The following DENND3 variants were observed in gnomAD, a reference collection of about 807,000 sequenced individuals.
The protein encoded by DENND3 is DENN domain-containing protein 3.
A neutral mutation model predicts 135.1 loss-of-function variants in DENND3; 88 were observed. The observed-to-expected ratio is 0.65, with a 90% CI of 0.55 to 0.78. DENND3 has a LOEUF of 0.78. Among genes scored for constraint, DENND3 ranks in the 30% least tolerant of loss-of-function variants. The pLI is 0.00. For synonymous variants in DENND3, 693 were observed against 712.3 expected (o/e 0.97, Z 0.43); for missense variants, 1,392 against 1,688.4 (o/e 0.82, Z 3.08).
At chr8:141,163,867 C>T (rs1820439358) in intron 10 of DENND3, among the ~76,000 whole-genome samples, 1 of 135,172 alleles carries the variant, frequency 7.4e-6, no homozygotes, top group African/African-American at 2.9e-5. Context: ...AAGATGGTGT[C>T]ACTATATTCC....
intron 22 of DENND3, chr8:141,192,883 C>T: frequency 1.3e-6 from 2 of 1,502,374 alleles, no homozygotes; most frequent in Non-Finnish European, 1.8e-6. Flanking sequence ...ACAGCGCATT[C>T]CCCCAAACTG....
At chr8:141,162,505 C>T (rs1048909110) in intron 9 of DENND3, among the ~76,000 whole-genome samples, 1 of 152,142 alleles carries the variant, frequency 6.6e-6, no homozygotes, top group African/African-American at 2.4e-5. Context: ...TTTATTCTCT[C>T]CAAGAAAACA....
chr8:141,170,395 G>A (rs900276632), intron 13 of DENND3, among the ~76,000 whole-genome samples: 1 of 152,152 alleles, frequency 6.6e-6, no homozygotes, highest in Non-Finnish European at 1.5e-5. Flanking sequence ...ATGTGTGTGG[G>A]TGTGAAAATG....
rs778681756 is a variant in DENND3 at position 141,182,758 on chromosome 8, G to C, written c.2944+1904G>C. Among the ~76,000 whole-genome samples the C allele has an allele frequency of 6.6e-6, 1 of 152,198 alleles. No individual in the cohort carries two copies. Among genetic ancestry groups the C allele is most frequent in the Admixed American group, 6.5e-5 (1 of 15,288 alleles). ...GGTGGGGTCAGGCCCCATCAAGAAG[G>C]GGGAGTCTTGTTATTCCCATTAGCT... On this transcript the variant is annotated intron_variant, in intron 17 of 22. Transcript: ENST00000519811. The surrounding 1 kb of genome is among the most constrained non-coding windows in gnomAD (Gnocchi z 5.9).
rs1374757355 is a variant in DENND3 at position 141,166,316 on chromosome 8, C to T, written c.1680C>T (p.Ala560=). The change falls in exon 12 of 23, where the codon GCC becomes GCT. Residue 560 remains alanine (A), a synonymous_variant. Coordinates refer to ENST00000519811, the MANE Select transcript of DENND3 (RefSeq NM_001352890.3). This position sits in a 1 kb window ranked among gnomAD's most constrained non-coding sequence, Gnocchi z 4.3. ...GCATGCCCAACCTGCAGGACATTGC[C>T]ATGCCTGAGCTGGCACCCAGGAACT... ...VVSMPNLQDI[A]MPELAPRNSS... 1 of 1,613,974 alleles carries T rather than the reference C, an allele frequency of 6.2e-7. No individual in the cohort carries two copies. Among genetic ancestry groups the T allele is most frequent in the Non-Finnish European group, 8.5e-7 (1 of 1,180,046 alleles).
At chr8:141,189,840 G>A (rs1426388193) in intron 19 of DENND3, among the ~76,000 whole-genome samples, 2 of 152,202 alleles carry the variant, frequency 1.3e-5, no homozygotes, top group African/African-American at 2.4e-5. Context: ...GCCCACAGCC[G>A]CCTGCACCTG....
At chr8:141,160,590 G>A (rs200924597) in intron 8 of DENND3, 42 bp from the exon 9 acceptor site, 7 of 1,556,612 alleles carry the variant, frequency 4.5e-6, no homozygotes, top group Admixed American at 3.5e-5. Context: ...GCCGTGGCCA[G>A]TGCTGCTGGG....
chr8:141,147,812 C>A (rs1051103347), intron 5 of DENND3, among the ~76,000 whole-genome samples: 1 of 152,228 alleles, frequency 6.6e-6, no homozygotes, highest in African/African-American at 2.4e-5. Context: ...AGCTGCCCAG[C>A]AGTGAGCTGT....
Position 141,168,456 on chromosome 8 carries a change from C to G in DENND3, c.2206C>G (p.Arg736Gly). Residue 736 changes from arginine to glycine, a missense_variant, in exon 13 of 23, where the codon CGG becomes GGG. Coordinates refer to ENST00000519811, the MANE Select transcript of DENND3 (RefSeq NM_001352890.3). This position sits in a 1 kb window ranked among gnomAD's most constrained non-coding sequence, Gnocchi z 6.2. The part of the protein sequence containing the change: ...KHMQLGDFMK[R>G]VQESGIVKDA... ...CATGCAGCTGGGCGACTTCATGAAG[C>G]GGGTCCAGGAGTCAGGGATCGTGAA... is the stretch of plus-strand genomic sequence containing the variant. 6.2e-7 allele frequency: 1 copy of G among 1,613,776 alleles called. No homozygotes were observed. Among genetic ancestry groups the G allele is most frequent in the Non-Finnish European group, 8.5e-7 (1 of 1,180,032 alleles).
At chr8:141,186,460 C>T (rs893777108) in intron 18 of DENND3, among the ~76,000 whole-genome samples, 5 of 152,178 alleles carry the variant, frequency 3.3e-5, no homozygotes, top group East Asian at 1.9e-4. Context: ...TGGCCCAGGA[C>T]GGCTTTGAAT....
rs758744672 is a variant in DENND3 at position 141,151,814 on chromosome 8, G to T, written c.1051G>T (p.Asp351Tyr). The change falls in exon 7 of 23, where the codon GAC becomes TAC. Residue 351 changes from aspartate (D) to tyrosine (Y), a missense_variant. Asp to Tyr is a radical substitution (Grantham distance 160, BLOSUM62 -3). Coordinates refer to ENST00000519811, the MANE Select transcript of DENND3 (RefSeq NM_001352890.3). The stretch of plus-strand genomic sequence containing the variant: ...GTCCTTCCTGATGGGCTGCCATCTC[G>T]ACCACTTCGAAGAAGTCAGCAAGGT... ...PTSFLMGCHL[D>Y]HFEEVSKEAD... The T allele has an allele frequency of 1.9e-6, 3 of 1,614,142 alleles. No individual in the cohort carries two copies. Among genetic ancestry groups the T allele is most frequent in the South Asian group, 1.1e-5 (1 of 91,062 alleles).
At position 141,194,360 on chromosome 8, in the gene DENND3, A is replaced by G; in HGVS notation, c.*127A>G. ...GCAGCCCAGGCTCAGCATGGAGCCC[A>G]CTTACCGTGTGGCCAGCCGCGAGAC... On this transcript the variant is annotated 3_prime_UTR_variant, in exon 23 of 23. Transcript: ENST00000519811. 1.7e-6 allele frequency: 2 copies of G among 1,191,114 alleles called. No individual in the cohort carries two copies. The highest frequency in any genetic ancestry group is 1.5e-5 in the South Asian group (1 of 67,848). 73.8% of individuals were successfully genotyped at this position (1,191,114 alleles called of 1,614,324 possible). A position where few individuals can be genotyped will look rare whatever the true frequency, so the allele number is the denominator to read the frequency against.
At chr8:141,140,841 G>C (rs890490777) in intron 3 of DENND3, among the ~76,000 whole-genome samples, 1 of 152,232 alleles carries the variant, frequency 6.6e-6, no homozygotes, top group Admixed American at 6.5e-5. Context: ...TCCTGGGCAC[G>C]TGTGGGTGCC....
At chr8:141,161,843 C>T (rs1781077217) in intron 9 of DENND3, among the ~76,000 whole-genome samples, 1 of 150,500 alleles carries the variant, frequency 6.6e-6, no homozygotes, top group Admixed American at 6.6e-5. Flanking sequence ...CTCTGTCACC[C>T]AGCCTGGAAT....
chr8:141,182,618 C>A lies in DENND3; in HGVS notation c.2944+1764C>A. On this transcript the variant is annotated intron_variant, in intron 17 of 22. Coordinates refer to ENST00000519811, the MANE Select transcript of DENND3 (RefSeq NM_001352890.3). This position sits in a 1 kb window ranked among gnomAD's most constrained non-coding sequence, Gnocchi z 5.9. Reference sequence around the variant, plus strand: ...GGCCTGCAGAGAGCGTGCAAAGCAGCCGTGGGGAATGGGGAAACCGCCTTT... The same window carrying A: ...GGCCTGCAGAGAGCGTGCAAAGCAGACGTGGGGAATGGGGAAACCGCCTTT... 4.0e-6 allele frequency: 2 copies of A among 505,688 alleles called. No individual in the cohort carries two copies. Among genetic ancestry groups the A allele is most frequent in the Non-Finnish European group, 5.1e-6 (2 of 392,504 alleles). The allele number at this position is 505,688 out of a possible 1,614,324, so 31.3% of individuals were successfully genotyped here. A position where few individuals can be genotyped will look rare whatever the true frequency, so the allele number is the denominator to read the frequency against.
rs186625502 is a variant in DENND3, at chr8:141,149,894, G to A, written c.736-940G>A. Among the ~76,000 whole-genome samples, 19 of 152,246 alleles carry A rather than the reference G, an allele frequency of 1.2e-4. No individual in the cohort carries two copies. The East Asian group carries it at 3.3e-3, about 26-fold the overall frequency. On this transcript the variant is annotated intron_variant, in intron 5 of 22. Coordinates refer to ENST00000519811, the MANE Select transcript of DENND3 (RefSeq NM_001352890.3). Reference sequence around the variant, plus strand: ...CACCTTTTCTTGTTTTCAGTTTCTCGTGTGCAGGCATGCTTAGAATACAGA... The same window carrying A: ...CACCTTTTCTTGTTTTCAGTTTCTCATGTGCAGGCATGCTTAGAATACAGA...
intron 13 of DENND3, chr8:141,173,576 G>T (rs1021990135): frequency 6.6e-6 from 1 of 152,240 alleles, no homozygotes; most frequent in Non-Finnish European, 1.5e-5. Context: ...TGACGACTCA[G>T]TCGTCCTGGA....
At chr8:141,142,115 T>C in intron 4 of DENND3, 1 of 307,568 alleles carries the variant, frequency 3.3e-6, no homozygotes, top group Non-Finnish European at 6.4e-6. Context: ...AAAGAACTTT[T>C]GAAAAATCAG....
intron 5 of DENND3, chr8:141,150,259 C>T (rs560481737): frequency 3.2e-6 from 4 of 1,231,896 alleles, no homozygotes; most frequent in African/African-American, 1.6e-5. Context: ...AGGAACTGAA[C>T]CTTCTCCTCT....
Sources: allele counts gnomAD v4.1 joint callset (sites outside exome capture counted in the v4.1 genomes callset), GRCh38; gene constraint gnomAD v4.1.1; non-coding constraint Gnocchi (gnomAD v3.1); transcripts MANE v1.5; gene names NCBI Gene and HGNC (gene_info 2026-07-23, HGNC 2026-07-21).